Variants in ENSA observed in about 807,000 individuals in gnomAD.
ENSA encodes endosulfine alpha.
Under a neutral mutation model 16.8 loss-of-function variants are expected in ENSA, and 7 were observed. The ratio of observed to expected loss-of-function variants is 0.42; its 90% CI spans 0.24 to 0.78. The LOEUF is 0.78. Among genes scored for constraint, ENSA ranks in the 30% least tolerant of loss-of-function variants. ENSA has a pLI of 0.29. For missense variants in ENSA, 87 were observed against 142.3 expected, an observed-to-expected ratio of 0.61 and a Z score of 1.98; for synonymous variants, 58 against 53.4, an observed-to-expected ratio of 1.09 and a Z score of -0.37.
chr1:150,628,526 C>A (rs1247259560), intron 1 of ENSA, among the ~76,000 whole-genome samples: 1 of 151,010 alleles, frequency 6.6e-6, no homozygotes, highest in Non-Finnish European at 1.5e-5. Flanking sequence ...GTCCCTGCTG[C>A]CCTTTAGTGA....
At chr1:150,627,412 T>A (rs1228096733) in intron 2 of ENSA, 55 bp downstream of exon 2, 1 of 1,614,094 alleles carries the variant, frequency 6.2e-7, no homozygotes, top group African/African-American at 1.3e-5. Flanking sequence ...ACAGACTTCA[T>A]TCGAAGAACC....
intron 1 of ENSA, 191 bp downstream of exon 1, chr1:150,629,223 C>CAGGA: frequency 6.4e-7 from 1 of 1,559,000 alleles, no homozygotes; most frequent in Non-Finnish European, 8.8e-7. Flanking sequence ...GAGTACAGTA[C>CAGGA]TGAGTGACAA....
intron 2 of ENSA, among the ~76,000 whole-genome samples, chr1:150,626,204 G>A (rs1209550949): frequency 6.6e-6 from 1 of 152,128 alleles, no homozygotes; most frequent in East Asian, 1.9e-4. Flanking sequence ...ATATAGAGAA[G>A]GATAAATATG....
chr1:150,622,862 G>T lies in ENSA; in HGVS notation c.351-3C>A. On this transcript the variant is annotated splice_polypyrimidine_tract_variant and splice_region_variant and intron_variant, in intron 3 of 3. Coordinates refer to ENST00000369014, the MANE Select transcript of ENSA (RefSeq NM_004436.4). Reference sequence around the variant, plus strand: ...GGCAGCATCATTCAACTTGGCCACTGCGGACGAACACAGAAGAAAAAAAAA... The same window carrying T: ...GGCAGCATCATTCAACTTGGCCACTTCGGACGAACACAGAAGAAAAAAAAA... The T allele has an allele frequency of 6.4e-7, 1 of 1,551,650 alleles. No homozygotes were observed. Among genetic ancestry groups the T allele is most frequent in the Non-Finnish European group, 8.7e-7 (1 of 1,148,056 alleles).
At chr1:150,627,295 C>G in intron 2 of ENSA, 172 bp downstream of exon 2, 1 of 1,574,838 alleles carries the variant, frequency 6.3e-7, no homozygotes, top group Admixed American at 1.9e-5. Flanking sequence ...GGAATTGATA[C>G]CACATCAGGG....
At chr1:150,625,014 C>T in intron 3 of ENSA, 1 of 985,388 alleles carries the variant, frequency 1.0e-6, no homozygotes. Flanking sequence ...AGAAGGTGCC[C>T]ATTTTCTGTG....
intron 1 of ENSA, 24 bp downstream of exon 1, chr1:150,629,390 C>A: frequency 1.2e-6 from 2 of 1,609,114 alleles, no homozygotes; most frequent in Non-Finnish European, 1.7e-6. Context: ...CCCAGCTCGC[C>A]CGCCCGCACC....
chr1:150,624,521 G>A (rs1649169539), intron 3 of ENSA: 1 of 985,912 alleles, frequency 1.0e-6, no homozygotes, highest in South Asian at 4.7e-5. Flanking sequence ...CCAGAGGTAG[G>A]CTGGGAAAGT....
In ENSA at chr1:150,627,346, C is replaced by T. The variant is rs772576991; in HGVS notation, c.183+121G>A. 8.1e-6 allele frequency: 13 copies of T among 1,603,584 alleles called. No individual in the cohort carries two copies. In the East Asian group the frequency reaches 8.9e-5, roughly 11 times the overall value. ...ACTTGCTCTTTTCAAATTTCAAATT[C>T]GCCTCTACTTCTGTTCAACAACAAA... On this transcript the variant is annotated intron_variant, in intron 2 of 3. Coordinates refer to ENST00000369014, the MANE Select transcript of ENSA (RefSeq NM_004436.4).
chr1:150,622,945 A>C, intron 3 of ENSA, 86 bp from the exon 4 acceptor site: 1 of 1,463,666 alleles, frequency 6.8e-7, no homozygotes, highest in Non-Finnish European at 9.2e-7. Context: ...CCCAGTCTCT[A>C]CCCCATGATT....
In ENSA at chr1:150,626,588, G is replaced by A. The variant is rs41266899; in HGVS notation, c.184-780C>T. Reference sequence around the variant, plus strand: ...AAATTTTTTTTTGAGATGGAGCCTCGCTATGTTGCCCAGGCTGGAGTGCAG... The same window carrying A: ...AAATTTTTTTTTGAGATGGAGCCTCACTATGTTGCCCAGGCTGGAGTGCAG... On this transcript the variant is annotated intron_variant, in intron 2 of 3. Coordinates refer to ENST00000369014, the MANE Select transcript of ENSA (RefSeq NM_004436.4). The A allele has an allele frequency of 3.0e-3, 3,920 of 1,292,610 alleles. 9 individuals are homozygous for A. Among genetic ancestry groups the A allele is most frequent in the Non-Finnish European group, 3.6e-3 (3,294 of 905,628 alleles). 80.1% of individuals were successfully genotyped at this position (1,292,610 alleles called of 1,614,324 possible). A position where few individuals can be genotyped will look rare whatever the true frequency, so the allele number is the denominator to read the frequency against.
At chr1:150,625,554 G>C in intron 3 of ENSA, 88 bp downstream of exon 3, 1 of 1,467,200 alleles carries the variant, frequency 6.8e-7, no homozygotes, top group East Asian at 2.5e-5. Context: ...AAGCTGAGAA[G>C]ATCTGACTAG....
rs1557770188 is a variant in ENSA, at chr1:150,626,398, G to A, written c.184-590C>T. 4.3e-5 allele frequency: 61 copies of A among 1,423,290 alleles called. 1 individual carries two copies. In the South Asian group the frequency reaches 6.8e-4, roughly 16 times the overall value. The allele number at this position is 1,423,290 out of a possible 1,614,324, so 88.2% of individuals were successfully genotyped here. On this transcript the variant is annotated intron_variant, in intron 2 of 3. Coordinates refer to ENST00000369014, the MANE Select transcript of ENSA (RefSeq NM_004436.4). ...CCCACGCCTGCCTTGCCTCCAGCAA[G>A]GTAAATGCAAATCAGCATCACATTA... is the stretch of plus-strand genomic sequence containing the variant.
intron 1 of ENSA, chr1:150,629,180 G>T: frequency 6.2e-7 from 1 of 1,612,470 alleles, no homozygotes; most frequent in Non-Finnish European, 8.5e-7. Context: ...AGCGTCCAAG[G>T]TTTGAGCGGT....
chr1:150,626,166 T>TG (rs1188042393), intron 2 of ENSA, among the ~76,000 whole-genome samples: 1 of 152,148 alleles, frequency 6.6e-6, no homozygotes, highest in African/African-American at 2.4e-5. Flanking sequence ...GGCAATAGCC[T>TG]GGAACTGGAG....
chr1:150,624,408 C>A, intron 3 of ENSA: 2 of 985,918 alleles, frequency 2.0e-6, no homozygotes, highest in Non-Finnish European at 2.4e-6. Flanking sequence ...ATATACCTGG[C>A]ATCAGACTGC....
At chr1:150,621,696 C>G (rs1411375334), downstream of ENSA, 2 of 152,192 alleles carry the variant, frequency 1.3e-5, no homozygotes, top group African/African-American at 4.8e-5. Flanking sequence ...AGAAATCACT[C>G]TGCCTCCTGC....
chr1:150,623,177 A>G, intron 3 of ENSA: 1 of 1,161,628 alleles, frequency 8.6e-7, no homozygotes, highest in East Asian at 5.1e-5. Flanking sequence ...CCTGGCTCAG[A>G]GCAGGCTGTT....
intron 3 of ENSA, 104 bp downstream of exon 3, chr1:150,625,538 G>C: frequency 7.0e-7 from 1 of 1,438,536 alleles, no homozygotes; most frequent in South Asian, 1.6e-5. Context: ...GTCATTTCTG[G>C]CTAGCAAGCT....
Sources: allele counts gnomAD v4.1 joint callset (sites outside exome capture counted in the v4.1 genomes callset), GRCh38; gene constraint gnomAD v4.1.1; transcripts MANE v1.5; gene names NCBI Gene and HGNC (gene_info 2026-07-23, HGNC 2026-07-21).